SYT2: variants seen among roughly 807,000 people sequenced by gnomAD.
SYT2 encodes synaptotagmin 2.
A neutral mutation model predicts 39.9 loss-of-function variants in SYT2; 15 were observed. That is an observed-to-expected ratio of 0.38 (90% CI 0.25 to 0.58). The LOEUF (loss-of-function observed/expected upper bound fraction) is 0.58. Ranked by LOEUF, SYT2 falls within the 20% of genes least tolerant of loss-of-function variation. SYT2 has a pLI of 0.70. For synonymous variants in SYT2, 181 were observed against 204.5 expected (o/e 0.89, Z 0.98); for missense variants, 389 against 530.3 (o/e 0.73, Z 2.62).
At chr1:202,703,338 T>C (rs944508921) in intron 1 of SYT2, among the ~76,000 whole-genome samples, 2 of 139,640 alleles carry the variant, frequency 1.4e-5, no homozygotes, top group Non-Finnish European at 3.0e-5. Context: ...CACAAATGCC[T>C]CATTTGACTT....
At chr1:202,635,957 G>A (rs1691729315) in intron 1 of SYT2, among the ~76,000 whole-genome samples, 1 of 152,150 alleles carries the variant, frequency 6.6e-6, no homozygotes, top group Non-Finnish European at 1.5e-5. Context: ...GACTCAATGT[G>A]CTGCTTCTGA....
chr1:202,633,247 C>T (rs1272630897), intron 1 of SYT2, among the ~76,000 whole-genome samples: 1 of 152,108 alleles, frequency 6.6e-6, no homozygotes, highest in Non-Finnish European at 1.5e-5. Context: ...GTGCCCAGCT[C>T]TTTCCCATAA....
rs10920455 is a variant in SYT2 at position 202,685,509 on chromosome 1, T to C, written c.-18+24749A>G. Among the ~76,000 whole-genome samples, 700 of 152,308 alleles carry C rather than the reference T, an allele frequency of 4.6e-3. 7 individuals are homozygous for C. The highest frequency in any genetic ancestry group is 0.016 in the African/African-American group (668 of 41,568). On this transcript the variant is annotated intron_variant, in intron 1 of 8. Transcript: ENST00000367268. ...AAGGTCTCAGATCTCCTGGTCTCTC[T>C]TGTCAGTGGACACACTGGCATCAGC...
chr1:202,662,431 C>T (rs1350001318), intron 1 of SYT2, among the ~76,000 whole-genome samples: 1 of 152,258 alleles, frequency 6.6e-6, no homozygotes. Context: ...ATCTGGAAGA[C>T]AGCACATCAA....
intron 6 of SYT2, among the ~76,000 whole-genome samples, chr1:202,600,996 G>A (rs1307203371): frequency 2.6e-5 from 4 of 152,036 alleles, no homozygotes; most frequent in African/African-American, 7.2e-5. Flanking sequence ...TGTGGTTTTC[G>A]GAGCAATTTG....
chr1:202,626,995 G>A (rs1691435988), intron 1 of SYT2, among the ~76,000 whole-genome samples: 1 of 152,222 alleles, frequency 6.6e-6, no homozygotes, highest in African/African-American at 2.4e-5. Context: ...GGGCTAGGCT[G>A]AGTCCATGCT....
At chr1:202,657,816 G>A (rs1375039253) in intron 1 of SYT2, among the ~76,000 whole-genome samples, 4 of 152,134 alleles carry the variant, frequency 2.6e-5, no homozygotes, top group Admixed American at 6.5e-5. Flanking sequence ...GGGCTACAGC[G>A]GGGTCAGGGC....
At chr1:202,696,990 G>A (rs1251371180) in intron 1 of SYT2, among the ~76,000 whole-genome samples, 1 of 152,158 alleles carries the variant, frequency 6.6e-6, no homozygotes, top group African/African-American at 2.4e-5. Flanking sequence ...TTTGGTCCCA[G>A]ACACATGGTC....
In SYT2 at chr1:202,605,678, T is replaced by C; in HGVS notation, c.95A>G (p.Glu32Gly). 6.2e-7 allele frequency: 1 copy of C among 1,613,928 alleles called. No homozygotes were observed. Among genetic ancestry groups the C allele is most frequent in the Non-Finnish European group, 8.5e-7 (1 of 1,179,846 alleles). The stretch of plus-strand genomic sequence containing the variant: ...CTGGCTCTCCCCAGCACCCCCACTC[T>C]CAGTGGAGTTGTCCACGGGTCCAAT... Reference protein sequence around the residue: ...MPIGPVDNSTESGGAGESQED... With the variant: ...MPIGPVDNSTGSGGAGESQED... Residue 32 changes from glutamate (E) to glycine (G), a missense_variant, in exon 2 of 9, where the codon GAG (glutamate) becomes GGG (glycine). This residue lies in a region of SYT2 where 280 missense variants were observed against 335.6 expected (regional missense o/e 0.83). Coordinates refer to ENST00000367268, the MANE Select transcript of SYT2 (RefSeq NM_177402.5).
intron 3 of SYT2, 28 bp downstream of exon 3, chr1:202,604,427 A>G (rs1175585057): frequency 1.9e-6 from 3 of 1,609,094 alleles, no homozygotes; most frequent in East Asian, 4.5e-5. Flanking sequence ...AGCCCCTTCC[A>G]GTCCCCCTCA....
At chr1:202,639,750 C>G (rs1051074828) in intron 1 of SYT2, 4 of 985,332 alleles carry the variant, frequency 4.1e-6, no homozygotes, top group Non-Finnish European at 4.8e-6. Context: ...TTTCTCCAGG[C>G]CCCATGACGA....
chr1:202,702,904 C>T (rs1319084615), intron 1 of SYT2, among the ~76,000 whole-genome samples: 1 of 152,196 alleles, frequency 6.6e-6, no homozygotes, highest in Non-Finnish European at 1.5e-5. Flanking sequence ...AAGCCCCTCT[C>T]CAGGCCCCCC....
At chr1:202,598,615 CT>C (rs1214994504) in intron 8 of SYT2, among the ~76,000 whole-genome samples, 3 of 138,466 alleles carry the variant, frequency 2.2e-5, no homozygotes, top group Non-Finnish European at 4.7e-5. Flanking sequence ...CCAGCTGCGC[CT>C]GACTTCCCGC....
At chr1:202,649,288 T>C (rs114910477) in intron 1 of SYT2, among the ~76,000 whole-genome samples, 1 of 152,200 alleles carries the variant, frequency 6.6e-6, no homozygotes, top group Non-Finnish European at 1.5e-5. Flanking sequence ...TATGCTGGGA[T>C]GAAGCAGATC....
chr1:202,643,494 C>T (rs1037306107), intron 1 of SYT2: 1 of 152,472 alleles, frequency 6.6e-6, no homozygotes, highest in African/African-American at 2.4e-5. Flanking sequence ...ACAACCTGAT[C>T]CCGCTTCCCC....
At chr1:202,675,233 C>G (rs908220645) in intron 1 of SYT2, among the ~76,000 whole-genome samples, 1 of 151,970 alleles carries the variant, frequency 6.6e-6, no homozygotes, top group African/African-American at 2.4e-5. Context: ...TCTGTATGAC[C>G]ATATATTTAA....
intron 1 of SYT2, among the ~76,000 whole-genome samples, chr1:202,659,421 G>A (rs531399079): frequency 6.6e-6 from 1 of 152,246 alleles, no homozygotes; most frequent in East Asian, 1.9e-4. Flanking sequence ...AGGGTTTCCC[G>A]GGACTCCAAC....
At chr1:202,649,376 G>T (rs1180101537) in intron 1 of SYT2, among the ~76,000 whole-genome samples, 2 of 152,226 alleles carry the variant, frequency 1.3e-5, no homozygotes, top group African/African-American at 2.4e-5. Context: ...TGATGATATT[G>T]ATGAGGCTGA....
At chr1:202,684,436 G>T (rs920626217) in intron 1 of SYT2, among the ~76,000 whole-genome samples, 1 of 151,470 alleles carries the variant, frequency 6.6e-6, no homozygotes, top group African/African-American at 2.4e-5. Context: ...ATGTCCTCCA[G>T]GTTCATCCAT....
Sources: gnomAD v4.1 joint callset for allele counts (sites outside exome capture counted in the v4.1 genomes callset) on GRCh38, gnomAD v4.1.1 for gene constraint, gnomAD v4.1.1 regional missense constraint, MANE v1.5 for transcripts, NCBI Gene and HGNC (gene_info 2026-07-23, HGNC 2026-07-21) for gene names.